GLIS3: variants seen among roughly 807,000 people sequenced by gnomAD.
The protein encoded by GLIS3 is zinc finger protein GLIS3.
Under a neutral mutation model 78.6 loss-of-function variants are expected in GLIS3, and 53 were observed. The ratio of observed to expected loss-of-function variants is 0.67; its 90% CI spans 0.54 to 0.85. The LOEUF is 0.85. Ranked by LOEUF, GLIS3 falls within the 40% of genes least tolerant of loss-of-function variation. The pLI, the probability that GLIS3 is intolerant of heterozygous loss-of-function variation, is 0.00. For synonymous variants in GLIS3, 684 were observed against 509.9 expected (o/e 1.34, Z -4.60); for missense variants, 1,703 against 1,231.1 (o/e 1.38, Z -5.74).
At chr9:4,337,629 T>A (rs1055330955) in intron 2 of GLIS3, among the ~76,000 whole-genome samples, 1 of 152,140 alleles carries the variant, frequency 6.6e-6, no homozygotes, top group Admixed American at 6.5e-5. Context: ...GACAAGGGCC[T>A]CAAGCATCAC....
chr9:3,912,666 T>C (rs1824232411), intron 6 of GLIS3, among the ~76,000 whole-genome samples: 1 of 152,236 alleles, frequency 6.6e-6, no homozygotes, highest in South Asian at 2.1e-4. Context: ...CTTACATTTT[T>C]TTCTAGCTAG....
At chr9:3,869,546 G>T (rs999662364) in intron 8 of GLIS3, among the ~76,000 whole-genome samples, 1 of 152,234 alleles carries the variant, frequency 6.6e-6, no homozygotes, top group Admixed American at 6.5e-5. Context: ...GAGCAACTAT[G>T]CATTGTATCA....
chr9:4,320,922 C>T (rs958866507), intron 2 of GLIS3, among the ~76,000 whole-genome samples: 2 of 152,076 alleles, frequency 1.3e-5, no homozygotes, highest in Non-Finnish European at 2.9e-5. Flanking sequence ...TTTTGAAAGT[C>T]TGTCTCCTGC....
At chr9:4,191,330 C>G (rs967086213) in intron 2 of GLIS3, among the ~76,000 whole-genome samples, 3 of 152,254 alleles carry the variant, frequency 2.0e-5, no homozygotes, top group African/African-American at 2.4e-5. Flanking sequence ...GTATTTTCAA[C>G]TGAGCATTTT....
At chr9:4,298,158 G>A (rs1816748829) in intron 1 of GLIS3, among the ~76,000 whole-genome samples, 1 of 152,078 alleles carries the variant, frequency 6.6e-6, no homozygotes, top group Non-Finnish European at 1.5e-5. Flanking sequence ...TGGGAAGCCC[G>A]GGCGCCGGGG....
rs534469145 is a variant in GLIS3, at chr9:4,138,080, C to T, written c.389-12139G>A. Among the ~76,000 whole-genome samples, 7 of 152,348 alleles carry T rather than the reference C, an allele frequency of 4.6e-5. No individual in the cohort carries two copies. In the South Asian group the frequency reaches 1.5e-3, roughly 32 times the overall value. On this transcript the variant is annotated intron_variant, in intron 2 of 10. Transcript: ENST00000381971. ...ATATACTCTAGGGATTGTGGACACA[C>T]AGATGAGTCAAATCATTCTTGCCTA...
intron 4 of GLIS3, among the ~76,000 whole-genome samples, chr9:3,942,136 G>A (rs12554821): frequency 0.16 from 24,652 of 152,214 alleles, 2,024 homozygotes; most frequent in Middle Eastern, 0.24. Flanking sequence ...CAAAGCAGTA[G>A]TAACAGCAAA....
chr9:4,405,091 A>C, the GLIS3 span, among the ~76,000 whole-genome samples: 8 of 152,212 alleles, frequency 5.3e-5, no homozygotes, highest in South Asian at 2.1e-4. Flanking sequence ...GCAGTGGCTC[A>C]TGCCTGTAAT....
the GLIS3 span, among the ~76,000 whole-genome samples, chr9:4,387,411 G>C: frequency 6.6e-6 from 1 of 152,112 alleles, no homozygotes; most frequent in Non-Finnish European, 1.5e-5. Flanking sequence ...TCCGATTTCA[G>C]CATGTCATTC....
At chr9:4,452,912 A>G in the GLIS3 span, among the ~76,000 whole-genome samples, 1 of 152,332 alleles carries the variant, frequency 6.6e-6, no homozygotes, top group Middle Eastern at 3.4e-3. Flanking sequence ...ACTTCAAACT[A>G]TCCTACAAGG....
intron 1 of GLIS3, among the ~76,000 whole-genome samples, chr9:4,292,687 T>C (rs751419238): frequency 3.7e-4 from 57 of 152,286 alleles, no homozygotes; most frequent in Non-Finnish European, 5.4e-4. Context: ...TAATAACTGA[T>C]CAACCAACTG....
chr9:4,244,142 T>TC (rs1823582710), intron 2 of GLIS3, among the ~76,000 whole-genome samples: 1 of 152,234 alleles, frequency 6.6e-6, no homozygotes, highest in Admixed American at 6.5e-5. Context: ...CCTCAGCTCA[T>TC]CCGTACTCTG....
rs886123511 is a variant in GLIS3, at chr9:4,167,625, G to T, written c.389-41684C>A. Among the ~76,000 whole-genome samples, 4 of 152,166 alleles carry T rather than the reference G, an allele frequency of 2.6e-5. No individual in the cohort carries two copies. The East Asian group carries it at 5.8e-4, about 22-fold the overall frequency. Reference sequence around the variant, plus strand: ...TTCCTGGTACATAAAGTGAGGATTAGAAAGATTAAAAAACTTATTCAAGGT... The same window carrying T: ...TTCCTGGTACATAAAGTGAGGATTATAAAGATTAAAAAACTTATTCAAGGT... On this transcript the variant is annotated intron_variant, in intron 2 of 10. Transcript: ENST00000381971.
At chr9:3,907,161 C>A (rs1823766328) in intron 6 of GLIS3, among the ~76,000 whole-genome samples, 1 of 152,208 alleles carries the variant, frequency 6.6e-6, no homozygotes, top group Non-Finnish European at 1.5e-5. Context: ...TGGACATGTG[C>A]ACTGGGGCTT....
chr9:3,829,492 C>G lies in GLIS3; in HGVS notation c.2474G>C (p.Gly825Ala), dbSNP rs200644293. The change falls in exon 10 of 11, where the codon GGA becomes GCA. Residue 825 changes from glycine to alanine, a missense_variant and splice_region_variant. Physicochemically the swap from Gly to Ala is moderately conservative, Grantham distance 60 (BLOSUM62 0). Coordinates refer to ENST00000381971, the MANE Select transcript of GLIS3 (RefSeq NM_001042413.2). ...GAACTTCTGCAGCTGCCCATAAAAT[C>G]CTGAAACGCAAGCATGGCATTGAGC... is the stretch of plus-strand genomic sequence containing the variant. ...SFQPNGIHVH[G>A]FYGQLQKFCP... 23 of 1,613,898 alleles carry G rather than the reference C, an allele frequency of 1.4e-5. No homozygotes were observed. The highest frequency in any genetic ancestry group is 7.6e-6 in the Non-Finnish European group (9 of 1,179,988).
the GLIS3 span, among the ~76,000 whole-genome samples, chr9:4,418,457 C>T: frequency 6.6e-6 from 1 of 152,130 alleles, no homozygotes; most frequent in Non-Finnish European, 1.5e-5. Flanking sequence ...TAAGAATTTG[C>T]AAAGACTAGA....
chr9:4,018,159 A>G (rs1022729111), intron 4 of GLIS3, among the ~76,000 whole-genome samples: 3 of 152,234 alleles, frequency 2.0e-5, no homozygotes, highest in Non-Finnish European at 4.4e-5. Context: ...GGCAGGAAGA[A>G]AGGAAAGGAG....
chr9:3,951,450 C>T (rs1224092077), intron 4 of GLIS3, among the ~76,000 whole-genome samples: 1 of 150,408 alleles, frequency 6.6e-6, no homozygotes, highest in Non-Finnish European at 1.5e-5. Flanking sequence ...AAAATGAAAG[C>T]AGGGAGTGCT....
intron 2 of GLIS3, among the ~76,000 whole-genome samples, chr9:4,135,147 A>T (rs1260570517): frequency 6.6e-6 from 1 of 152,204 alleles, no homozygotes; most frequent in Non-Finnish European, 1.5e-5. Flanking sequence ...AGCTTAACAC[A>T]TGTCAAAGCG....
Sources: allele counts gnomAD v4.1 joint callset (sites outside exome capture counted in the v4.1 genomes callset), GRCh38; gene constraint gnomAD v4.1.1; transcripts MANE v1.5; gene names NCBI Gene and HGNC (gene_info 2026-07-23, HGNC 2026-07-21).